ANK1: variants seen among roughly 807,000 people sequenced by gnomAD.
The protein encoded by ANK1 is ankyrin-1.
ANK1 carries 51 observed loss-of-function variants against 210.4 expected under a neutral mutation model. The ratio of observed to expected loss-of-function variants is 0.24; its 90% CI spans 0.19 to 0.31. The LOEUF is 0.31. Among genes scored for constraint, ANK1 ranks in the 10% least tolerant of loss-of-function variants. ANK1 has a pLI of 1.00. For missense variants in ANK1, 2,051 were observed against 2,504.4 expected (o/e 0.82, Z 3.86); for synonymous variants, 967 against 1,025.9 (o/e 0.94, Z 1.10).
chr8:41,786,705 T>C (rs1054406895), intron 1 of ANK1, among the ~76,000 whole-genome samples: 1 of 152,194 alleles, frequency 6.6e-6, no homozygotes, highest in African/African-American at 2.4e-5. Context: ...CTAGTGTCTC[T>C]GTTTCTCAGA....
intron 1 of ANK1, among the ~76,000 whole-genome samples, chr8:41,760,317 G>A (rs1225623590): frequency 6.6e-6 from 1 of 152,140 alleles, no homozygotes; most frequent in African/African-American, 2.4e-5. Context: ...TCCCATGAAA[G>A]TGAATAAGTC....
chr8:41,686,748 GC>G (rs1317815809), intron 35 of ANK1, among the ~76,000 whole-genome samples: 1 of 152,182 alleles, frequency 6.6e-6, no homozygotes, highest in African/African-American at 2.4e-5. Context: ...GGACTCCTGA[GC>G]TTATGCGTCT....
chr8:41,729,837 A>T (rs572194730), intron 3 of ANK1, among the ~76,000 whole-genome samples: 5 of 151,612 alleles, frequency 3.3e-5, no homozygotes, highest in Admixed American at 2.6e-4. Context: ...CTGGGGGTGG[A>T]CTCCCCTGGG....
At chr8:41,731,998 A>T (rs997298138) in intron 3 of ANK1, among the ~76,000 whole-genome samples, 1 of 152,266 alleles carries the variant, frequency 6.6e-6, no homozygotes, top group Non-Finnish European at 1.5e-5. Flanking sequence ...ATTTGGGAAA[A>T]AAATACCCCG....
chr8:41,785,045 T>C lies in ANK1; in HGVS notation c.27+12467A>G, dbSNP rs141250827. Among the ~76,000 whole-genome samples, 413 of 152,272 alleles carry C rather than the reference T, an allele frequency of 2.7e-3. 3 individuals are homozygous for C. Among genetic ancestry groups the C allele is most frequent in the African/African-American group, 9.1e-3 (378 of 41,558 alleles). ...CCCCGGCTTCTCCTCTTGAGTCTCC[T>C]GTTTCTGCCCCTCAGATGAAAGCAG... On this transcript the variant is annotated intron_variant, in intron 1 of 42. Transcript: ENST00000289734.
At chr8:41,784,676 C>G in intron 1 of ANK1, among the ~76,000 whole-genome samples, 1 of 152,134 alleles carries the variant, frequency 6.6e-6, no homozygotes, top group East Asian at 1.9e-4. Context: ...TTCATATGCA[C>G]TTGGGAGCTA....
chr8:41,675,604 G>C (rs1813864911), intron 37 of ANK1, among the ~76,000 whole-genome samples: 1 of 152,168 alleles, frequency 6.6e-6, no homozygotes, highest in African/African-American at 2.4e-5. Context: ...AGGTATGTTT[G>C]ACATTCAATA....
chr8:41,827,035 C>A (rs1412903955), intron 1 of ANK1, among the ~76,000 whole-genome samples: 1 of 152,216 alleles, frequency 6.6e-6, no homozygotes, highest in Non-Finnish European at 1.5e-5. Context: ...TTTCTAATGA[C>A]TTTGAGAATT....
chr8:41,729,573 G>T (rs981711847), intron 3 of ANK1, among the ~76,000 whole-genome samples: 2 of 152,180 alleles, frequency 1.3e-5, no homozygotes, highest in Non-Finnish European at 2.9e-5. Flanking sequence ...AAATTTTTTT[G>T]TAGAGATGGG....
At chr8:41,673,037 C>A in intron 37 of ANK1, 125 bp from the exon 38 acceptor site, 1 of 1,069,014 alleles carries the variant, frequency 9.4e-7, no homozygotes. Context: ...CATGCACATT[C>A]GGGGTGGGTT....
chr8:41,699,227 AGAG>A (rs1298400863), intron 23 of ANK1, among the ~76,000 whole-genome samples: 1 of 152,094 alleles, frequency 6.6e-6, no homozygotes, highest in Admixed American at 6.5e-5. Context: ...GGAGCCTGGA[AGAG>A]GAGCAGAGAG....
chr8:41,690,336 C>T lies in ANK1; in HGVS notation c.3995G>A (p.Ser1332Asn), dbSNP rs772367177. The change falls in exon 33 of 43, where the codon AGC (serine) becomes AAC (asparagine). Residue 1332 changes from serine to asparagine, a missense_variant. Ser to Asn is a conservative substitution (Grantham distance 46). Transcript: ENST00000289734. ...CAGGGACCCTCCCGGCTCTCGACTGCTGTCCCTCACCTAAACTCAATCACA... is the reference window on the plus strand; with the variant it reads ...CAGGGACCCTCCCGGCTCTCGACTGTTGTCCCTCACCTAAACTCAATCACA... ...RLAMPVKVRDSSREPGGSLSF... is the reference protein window; with the variant it reads ...RLAMPVKVRDNSREPGGSLSF... 6 of 1,614,264 alleles carry T rather than the reference C, an allele frequency of 3.7e-6. No individual in the cohort carries two copies. In the Admixed American group the frequency reaches 6.7e-5, roughly 18 times the overall value.
intron 15 of ANK1, among the ~76,000 whole-genome samples, 182 bp from the exon 16 acceptor site, chr8:41,714,436 CA>C (rs1827061835): frequency 6.6e-6 from 1 of 152,158 alleles, no homozygotes; most frequent in Non-Finnish European, 1.5e-5. Flanking sequence ...CCTGTGGGAA[CA>C]GGGGGGAACG....
intron 42 of ANK1, among the ~76,000 whole-genome samples, chr8:41,656,814 C>A (rs542163960): frequency 6.6e-6 from 1 of 152,274 alleles, no homozygotes; most frequent in African/African-American, 2.4e-5. Flanking sequence ...GAGAACTCAG[C>A]TCTTGGGTGG....
intron 16 of ANK1, among the ~76,000 whole-genome samples, chr8:41,709,365 G>T (rs1182021770): frequency 6.6e-6 from 1 of 152,220 alleles, no homozygotes; most frequent in South Asian, 2.1e-4. Flanking sequence ...TTCTTTCCCA[G>T]TGCAACTGGG....
chr8:41,744,536 CT>C (rs3063769), intron 2 of ANK1, among the ~76,000 whole-genome samples: 342 of 125,420 alleles, frequency 2.7e-3, no homozygotes, highest in African/African-American at 5.0e-3. Flanking sequence ...GATTTCTTTT[CT>C]TTTTTTTTTT....
intron 23 of ANK1, among the ~76,000 whole-genome samples, chr8:41,699,018 C>T (rs375823456): frequency 6.6e-6 from 1 of 152,082 alleles, no homozygotes; most frequent in Non-Finnish European, 1.5e-5. Context: ...AGGCTGGTCA[C>T]GAACTCCTGA....
intron 1 of ANK1, among the ~76,000 whole-genome samples, chr8:41,765,633 C>A (rs1266320084): frequency 6.6e-6 from 1 of 152,004 alleles, no homozygotes; most frequent in Non-Finnish European, 1.5e-5. Context: ...GCTGTGCCCA[C>A]GTCAGGAGAA....
chr8:41,893,027 C>A (rs1236685723), intron 1 of ANK1, among the ~76,000 whole-genome samples: 3 of 152,164 alleles, frequency 2.0e-5, no homozygotes, highest in Admixed American at 2.0e-4. Context: ...AGGGCCAAGG[C>A]GTCAGCGCTC....
Sources: gnomAD v4.1 joint callset for allele counts (sites outside exome capture counted in the v4.1 genomes callset) on GRCh38, gnomAD v4.1.1 for gene constraint, MANE v1.5 for transcripts, NCBI Gene and HGNC (gene_info 2026-07-23, HGNC 2026-07-21) for gene names.